LHFPL3: variants seen among roughly 807,000 people sequenced by gnomAD.
The protein encoded by LHFPL3 is LHFPL tetraspan subfamily member 3 protein.
Under a neutral mutation model 19.3 loss-of-function variants are expected in LHFPL3, and 5 were observed. That is an observed-to-expected ratio of 0.26 (90% CI 0.14 to 0.54). The LOEUF (loss-of-function observed/expected upper bound fraction) is 0.54, where lower values mean the gene tolerates loss of function less well. LHFPL3 is among the 20% of genes least tolerant of loss of function. LHFPL3 has a pLI of 0.94. For missense variants in LHFPL3, 249 were observed against 307.4 expected, an observed-to-expected ratio of 0.81 and a Z score of 1.42; for synonymous variants, 133 against 126.2, an observed-to-expected ratio of 1.05 and a Z score of -0.36.
intron 1 of LHFPL3, among the ~76,000 whole-genome samples, chr7:104,513,826 G>C (rs1332259940): frequency 6.6e-6 from 1 of 152,160 alleles, no homozygotes; most frequent in Non-Finnish European, 1.5e-5. Flanking sequence ...AGGTCTTCAA[G>C]TGATTGCAAA....
chr7:104,706,046 T>A (rs892197322), intron 1 of LHFPL3, among the ~76,000 whole-genome samples: 2 of 152,142 alleles, frequency 1.3e-5, no homozygotes, highest in African/African-American at 4.8e-5. Context: ...GCAGCATCAT[T>A]TTGTTCATTG....
chr7:104,701,285 T>C (rs1793094829), intron 1 of LHFPL3, among the ~76,000 whole-genome samples: 1 of 152,116 alleles, frequency 6.6e-6, no homozygotes, highest in Non-Finnish European at 1.5e-5. Flanking sequence ...TAGTTGACCC[T>C]TGAACAATGC....
chr7:104,372,680 T>C (rs182700520), intron 1 of LHFPL3, among the ~76,000 whole-genome samples: 213 of 152,300 alleles, frequency 1.4e-3, no homozygotes, highest in African/African-American at 4.9e-3. Flanking sequence ...GGAGTGATAA[T>C]ACAGTATTGT....
chr7:104,513,970 C>T (rs1793870960), intron 1 of LHFPL3, among the ~76,000 whole-genome samples: 2 of 151,792 alleles, frequency 1.3e-5, no homozygotes, highest in African/African-American at 4.8e-5. Context: ...GTGTGTGGAT[C>T]GTGTCACTGT....
In LHFPL3 at chr7:104,534,422, G is replaced by A. The variant is rs74680249; in HGVS notation, c.446-202253G>A. Among the ~76,000 whole-genome samples the A allele has an allele frequency of 3.0e-3, 459 of 152,262 alleles. 4 individuals carry two copies. In the East Asian group the frequency reaches 0.044, roughly 14 times the overall value. On this transcript the variant is annotated intron_variant, in intron 1 of 2. Transcript: ENST00000424859. ...ATGCTTCTACCCACACTTCCATCTC[G>A]GCTCCTGCTTCAGCAGAGCTGGAGG...
intron 1 of LHFPL3, among the ~76,000 whole-genome samples, chr7:104,495,142 G>A (rs1284574993): frequency 6.6e-6 from 1 of 152,088 alleles, no homozygotes; most frequent in Non-Finnish European, 1.5e-5. Flanking sequence ...CCTCAGAGAA[G>A]GTTCAACCCC....
At chr7:104,427,869 G>T (rs77230750) in intron 1 of LHFPL3, among the ~76,000 whole-genome samples, 1 of 152,120 alleles carries the variant, frequency 6.6e-6, no homozygotes, top group East Asian at 1.9e-4. Context: ...AAAACACCTC[G>T]TGCATCAGTT....
intron 1 of LHFPL3, among the ~76,000 whole-genome samples, chr7:104,527,411 G>A (rs1315359715): frequency 5.3e-5 from 8 of 152,092 alleles, no homozygotes; most frequent in African/African-American, 2.4e-5. Flanking sequence ...GTTCTTACGT[G>A]GGAGCAGTGG....
chr7:104,830,647 A>G (rs554454259), intron 2 of LHFPL3, among the ~76,000 whole-genome samples: 1 of 152,050 alleles, frequency 6.6e-6, no homozygotes, highest in African/African-American at 2.4e-5. Flanking sequence ...GGTTGTAGAC[A>G]AGTGGCATTA....
intron 1 of LHFPL3, among the ~76,000 whole-genome samples, chr7:104,645,665 T>TTC (rs1791919986): frequency 7.6e-6 from 1 of 132,406 alleles, no homozygotes; most frequent in East Asian, 2.1e-4. Context: ...TTTTTTTTTT[T>TTC]TTTTTTTTTT....
chr7:104,620,917 C>T (rs1318775311), intron 1 of LHFPL3, among the ~76,000 whole-genome samples: 1 of 152,242 alleles, frequency 6.6e-6, no homozygotes, highest in Non-Finnish European at 1.5e-5. Context: ...GTTTTGTTTC[C>T]TTTCTCCTGA....
intron 1 of LHFPL3, among the ~76,000 whole-genome samples, chr7:104,404,779 G>A (rs1422819343): frequency 6.6e-6 from 1 of 152,126 alleles, no homozygotes; most frequent in African/African-American, 2.4e-5. Flanking sequence ...AGACACCTAT[G>A]AACTTAGCTA....
At chr7:104,537,664 G>A (rs924188217) in intron 1 of LHFPL3, among the ~76,000 whole-genome samples, 1 of 152,182 alleles carries the variant, frequency 6.6e-6, no homozygotes, top group African/African-American at 2.4e-5. Context: ...ATTTTGATTA[G>A]CATGGATAAA....
chr7:104,529,298 CAGAT>C (rs1794247514), intron 1 of LHFPL3, among the ~76,000 whole-genome samples: 2 of 152,170 alleles, frequency 1.3e-5, no homozygotes, highest in Admixed American at 1.3e-4. Flanking sequence ...AGATTTCTCA[CAGAT>C]AGGCCCTGTA....
At chr7:104,488,812 C>T (rs1400619513) in intron 1 of LHFPL3, among the ~76,000 whole-genome samples, 1 of 152,220 alleles carries the variant, frequency 6.6e-6, no homozygotes, top group Non-Finnish European at 1.5e-5. Context: ...AAGTTCAAAG[C>T]AGGCAAAGTC....
intron 2 of LHFPL3, among the ~76,000 whole-genome samples, chr7:104,898,484 G>A (rs73419710): frequency 0.018 from 2,775 of 152,188 alleles, 83 homozygotes; most frequent in African/African-American, 0.062. Flanking sequence ...TATACAAAGG[G>A]AAAATAAACT....
intron 1 of LHFPL3, among the ~76,000 whole-genome samples, chr7:104,714,094 C>G (rs1163728437): frequency 5.3e-5 from 8 of 152,190 alleles, no homozygotes; most frequent in Non-Finnish European, 1.0e-4. Flanking sequence ...TATTTATAAA[C>G]TTTTAGCTAC....
At chr7:104,398,274 T>C (rs1009119499) in intron 1 of LHFPL3, among the ~76,000 whole-genome samples, 2 of 152,190 alleles carry the variant, frequency 1.3e-5, no homozygotes, top group African/African-American at 4.8e-5. Flanking sequence ...CCCTGTATTA[T>C]CTTCCATGTC....
intron 1 of LHFPL3, among the ~76,000 whole-genome samples, chr7:104,436,098 A>C (rs982202349): frequency 6.6e-6 from 1 of 152,192 alleles, no homozygotes; most frequent in Non-Finnish European, 1.5e-5. Context: ...CCCTAGCCCC[A>C]AGAAGCTACT....
Sources: allele counts gnomAD v4.1 joint callset (sites outside exome capture counted in the v4.1 genomes callset), GRCh38; gene constraint gnomAD v4.1.1; transcripts MANE v1.5; gene names NCBI Gene and HGNC (gene_info 2026-07-23, HGNC 2026-07-21).